Variants in NOTCH2 observed in about 807,000 individuals in gnomAD.
The protein encoded by NOTCH2 is notch receptor 2.
NOTCH2 carries 29 observed loss-of-function variants against 235.8 expected under a neutral mutation model. The observed-to-expected ratio is 0.12, with a 90% CI of 0.09 to 0.17. The LOEUF is 0.17. NOTCH2 is among the 10% of genes least tolerant of loss of function. NOTCH2 has a pLI of 1.00. For synonymous variants in NOTCH2, 1,086 were observed against 1,141.5 expected, an observed-to-expected ratio of 0.95 and a Z score of 0.98; for missense variants, 2,285 against 3,150.2, an observed-to-expected ratio of 0.73 and a Z score of 6.57.
intron 32 of NOTCH2, 102 bp downstream of exon 32, chr1:119,918,304 A>G: frequency 7.8e-7 from 1 of 1,281,826 alleles, no homozygotes; most frequent in Non-Finnish European, 1.1e-6. Flanking sequence ...TCTCTCACGT[A>G]TTTGGATCTC....
intron 25 of NOTCH2, 122 bp downstream of exon 25, chr1:119,925,183 G>A (rs1570663618): frequency 8.2e-7 from 1 of 1,225,602 alleles, no homozygotes; most frequent in Non-Finnish European, 1.2e-6. Context: ...GGACAAGGCT[G>A]GCACCATCTG....
At chr1:119,967,697 G>C (rs1273892248) in intron 7 of NOTCH2, 76 bp from the exon 8 acceptor site, 1 of 1,277,894 alleles carries the variant, frequency 7.8e-7, no homozygotes, top group East Asian at 2.3e-5. Context: ...AAGAGCATCT[G>C]ATGGTTATAG....
At position 119,920,412 on chromosome 1, in the gene NOTCH2, C is replaced by T. The variant is rs747694087; in HGVS notation, c.5311-15G>A. 3 of 1,613,978 alleles carry T rather than the reference C, an allele frequency of 1.9e-6. No individual in the cohort carries two copies. The highest frequency in any genetic ancestry group is 2.5e-6 in the Non-Finnish European group (3 of 1,180,002). On this transcript the variant is annotated splice_polypyrimidine_tract_variant and intron_variant, in intron 29 of 33. Coordinates refer to ENST00000256646, the MANE Select transcript of NOTCH2 (RefSeq NM_024408.4). ...TCATCTTCAGCCTGAAAGGTGAAAACAATGCTCCCTATCAATCTGGCCACC... is the reference window on the plus strand; with the variant it reads ...TCATCTTCAGCCTGAAAGGTGAAAATAATGCTCCCTATCAATCTGGCCACC...
At chr1:120,048,569 C>T (rs1195019661) in intron 1 of NOTCH2, among the ~76,000 whole-genome samples, 10 of 142,746 alleles carry the variant, frequency 7.0e-5, no homozygotes, top group Non-Finnish European at 1.4e-4. Flanking sequence ...CTGCCTCAGC[C>T]TCCCAAGTAG....
At chr1:119,998,662 C>T (rs587716573) in intron 3 of NOTCH2, among the ~76,000 whole-genome samples, 1 of 152,232 alleles carries the variant, frequency 6.6e-6, no homozygotes, top group Non-Finnish European at 1.5e-5. Context: ...ATTTAAACTA[C>T]AGAGATGAGA....
In NOTCH2 at chr1:119,915,149, T is replaced by G. The variant is rs1014064571; in HGVS notation, c.*157A>C. On this transcript the variant is annotated 3_prime_UTR_variant, in exon 34 of 34. Coordinates refer to ENST00000256646, the MANE Select transcript of NOTCH2 (RefSeq NM_024408.4). The stretch of plus-strand genomic sequence containing the variant: ...CAGATACCCAGTGAAACTGACGAAT[T>G]GCTTCTCTTGCATTATCTGAATAAG... 4.4e-5 allele frequency: 33 copies of G among 758,320 alleles called. No individual in the cohort carries two copies. Among genetic ancestry groups the G allele is most frequent in the Non-Finnish European group, 6.9e-5 (31 of 447,880 alleles). The allele number at this position is 758,320 out of a possible 1,614,324, so 47.0% of individuals were successfully genotyped here. A position where few individuals can be genotyped will look rare whatever the true frequency, so the allele number is the denominator to read the frequency against.
At chr1:119,976,003 A>G (rs1651569173) in intron 5 of NOTCH2, among the ~76,000 whole-genome samples, 1 of 152,350 alleles carries the variant, frequency 6.6e-6, no homozygotes, top group Non-Finnish European at 1.5e-5. Flanking sequence ...CTTTCCAGTC[A>G]TCTCTCAACT....
intron 21 of NOTCH2, among the ~76,000 whole-genome samples, chr1:119,936,377 G>T (rs1373136364): frequency 6.6e-6 from 1 of 152,228 alleles, no homozygotes; most frequent in Admixed American, 6.5e-5. Flanking sequence ...TCAGCCTGGG[G>T]TCTGTATGGC....
chr1:119,927,446 A>G (rs1034967901), intron 23 of NOTCH2, among the ~76,000 whole-genome samples: 1 of 152,216 alleles, frequency 6.6e-6, no homozygotes, highest in Non-Finnish European at 1.5e-5. Context: ...ACATGGACAC[A>G]GCTTGGTGGA....
intron 8 of NOTCH2, 101 bp downstream of exon 8, chr1:119,967,332 A>T: frequency 9.3e-7 from 1 of 1,078,588 alleles, no homozygotes; most frequent in Non-Finnish European, 1.4e-6. Context: ...TCAAATGCTG[A>T]CAGAGCTCAT....
At chr1:120,065,863 A>G (rs1320830263) in intron 1 of NOTCH2, among the ~76,000 whole-genome samples, 1 of 152,210 alleles carries the variant, frequency 6.6e-6, no homozygotes, top group African/African-American at 2.4e-5. Flanking sequence ...GAAAGGAAGC[A>G]TGTAACTATG....
Position 119,915,224 on chromosome 1 carries a change from T to C in NOTCH2, c.*82A>G. ...GAAGCTGGCTCCAGAGATTTCTTCATTTCTCTCCCGGATGACCTTCATTTG... is the reference window on the plus strand; with the variant it reads ...GAAGCTGGCTCCAGAGATTTCTTCACTTCTCTCCCGGATGACCTTCATTTG... On this transcript the variant is annotated 3_prime_UTR_variant, in exon 34 of 34. Transcript: ENST00000256646. 1 of 1,421,008 alleles carries C rather than the reference T, an allele frequency of 7.0e-7. No homozygotes were observed. The highest frequency in any genetic ancestry group is 9.9e-7 in the Non-Finnish European group (1 of 1,013,696). The allele number at this position is 1,421,008 out of a possible 1,614,324, so 88.0% of individuals were successfully genotyped here.
At position 119,915,391 on chromosome 1, in the gene NOTCH2, G is replaced by A. The variant is rs2101141229; in HGVS notation, c.7331C>T (p.Thr2444Ile). The change falls in exon 34 of 34, where the codon ACC becomes ATC. Residue 2444 changes from threonine (T) to isoleucine (I), a missense_variant. Coordinates refer to ENST00000256646, the MANE Select transcript of NOTCH2 (RefSeq NM_024408.4). The stretch of plus-strand genomic sequence containing the variant: ...CTGACCTCCTCCAGCACCCCCAGGG[G>A]TAGGGCTGGTGGTCACATCTGACCA... The part of the protein sequence containing the change: ...SDWSDVTTSP[T>I]PGGAGGGQRG... 1 of 1,614,206 alleles carries A rather than the reference G, an allele frequency of 6.2e-7. No homozygotes were observed. Among genetic ancestry groups the A allele is most frequent in the South Asian group, 1.1e-5 (1 of 91,078 alleles).
intron 4 of NOTCH2, chr1:119,996,030 T>C (rs1652432086): frequency 6.5e-6 from 1 of 153,054 alleles, no homozygotes. Context: ...AGCACATTAC[T>C]CCCCCCTACA....
intron 5 of NOTCH2, among the ~76,000 whole-genome samples, chr1:119,970,505 C>T (rs1651321827): frequency 6.6e-6 from 1 of 152,066 alleles, no homozygotes; most frequent in African/African-American, 2.4e-5. Context: ...GAAAGTCCAC[C>T]CAATGTACTA....
In NOTCH2 at chr1:120,060,472, A is replaced by ATAT. The variant is rs1655275974; in HGVS notation, c.73+8861_73+8862insATA. Among the ~76,000 whole-genome samples, 183 of 144,540 alleles carry ATAT rather than the reference A, an allele frequency of 1.3e-3. 1 individual carries two copies. The highest frequency in any genetic ancestry group is 3.9e-3 in the African/African-American group (154 of 39,470). 94.8% of individuals were successfully genotyped at this position (144,540 alleles called of 152,430 possible). On this transcript the variant is annotated intron_variant, in intron 1 of 33. Coordinates refer to ENST00000256646, the MANE Select transcript of NOTCH2 (RefSeq NM_024408.4). ...CTAAATATATATATATATATATATA[A>ATAT]AAATAAATCAACAGCTTTTCTAAAT...
At position 119,916,557 on chromosome 1, in the gene NOTCH2, G is replaced by A. The variant is rs267597956; in HGVS notation, c.6165C>T (p.His2055=). The A allele has an allele frequency of 6.2e-7, 1 of 1,614,112 alleles. No individual in the cohort carries two copies. Among genetic ancestry groups the A allele is most frequent in the South Asian group, 1.1e-5 (1 of 91,080 alleles). ...CATCCAGAAGGCGCACAATGTCATGGTGCATGCGATCCCGAGCCACATCCC... is the reference window on the plus strand; with the variant it reads ...CATCCAGAAGGCGCACAATGTCATGATGCATGCGATCCCGAGCCACATCCC... ...LPRDVARDRM[H]HDIVRLLDEY... Residue 2055 remains histidine (H), a synonymous_variant, in exon 34 of 34, where the codon CAC becomes CAT. Transcript: ENST00000256646.
At chr1:119,941,470 T>TTCCCTTTC (rs1472167540) in intron 18 of NOTCH2, 56 bp downstream of exon 18, 2 of 1,299,162 alleles carry the variant, frequency 1.5e-6, no homozygotes, top group Non-Finnish European at 2.2e-6. Context: ...TGAAATTTCC[T>TTCCCTTTC]TCCCTTTCTC....
chr1:119,941,691 G>A lies in NOTCH2; in HGVS notation c.2816C>T (p.Pro939Leu), dbSNP rs201100122. 169 of 1,614,172 alleles carry A rather than the reference G, an allele frequency of 1.0e-4. No individual in the cohort carries two copies. The East Asian group carries it at 1.5e-3, about 15-fold the overall frequency. The change falls in exon 18 of 34, where the codon CCG becomes CTG. Residue 939 changes from proline to leucine, a missense_variant. Around this residue, in one of 6 missense-constraint regions of NOTCH2, gnomAD observed 1,173 missense variants for 1,515.3 expected, o/e 0.77. Coordinates refer to ENST00000256646, the MANE Select transcript of NOTCH2 (RefSeq NM_024408.4). Reference sequence around the variant, plus strand: ...CTGGCACTTATCCCCAGTGAAACCCGGAAGGCAGAGGCAGGAGAAAGTATT... The same window carrying A: ...CTGGCACTTATCCCCAGTGAAACCCAGAAGGCAGAGGCAGGAGAAAGTATT... ...GVNTFSCLCL[P>L]GFTGDKCQTD...
Sources: allele counts gnomAD v4.1 joint callset (sites outside exome capture counted in the v4.1 genomes callset), GRCh38; gene constraint gnomAD v4.1.1; regional missense constraint gnomAD v4.1.1; transcripts MANE v1.5; gene names NCBI Gene and HGNC (gene_info 2026-07-23, HGNC 2026-07-21).